Variants in NAE1 observed in about 807,000 individuals in gnomAD.
The protein encoded by NAE1 is NEDD8-activating enzyme E1 regulatory subunit.
In NAE1, 59 loss-of-function variants were observed where a neutral mutation model predicts 88.0. The observed-to-expected ratio is 0.67, with a 90% CI of 0.54 to 0.83. The LOEUF (loss-of-function observed/expected upper bound fraction) is 0.83. Ranked by LOEUF, NAE1 falls within the 40% of genes least tolerant of loss-of-function variation. The pLI, the probability that NAE1 is intolerant of heterozygous loss-of-function variation, is 0.00. For missense variants in NAE1, 554 were observed against 632.8 expected (o/e 0.88, Z 1.34); for synonymous variants, 186 against 208.9 (o/e 0.89, Z 0.95).
At chr16:66,808,731 T>C (rs1959671170) in intron 16 of NAE1, 118 bp from the exon 17 acceptor site, 3 of 785,674 alleles carry the variant, frequency 3.8e-6, no homozygotes, top group African/African-American at 3.5e-5. Flanking sequence ...ACACAATCTC[T>C]ACTGAAGTAG....
intron 11 of NAE1, among the ~76,000 whole-genome samples, chr16:66,814,504 G>A (rs1959955477): frequency 6.6e-6 from 1 of 150,722 alleles, no homozygotes; most frequent in Non-Finnish European, 1.5e-5. Flanking sequence ...GAGGTGGGGG[G>A]ATCACTTGAG....
At chr16:66,804,685 T>C (rs1959491007) in intron 19 of NAE1, among the ~76,000 whole-genome samples, 1 of 152,146 alleles carries the variant, frequency 6.6e-6, no homozygotes, top group Non-Finnish European at 1.5e-5. Context: ...ATTCATATGT[T>C]GAAATCCTAA....
At chr16:66,825,103 T>C (rs575936004) in intron 3 of NAE1, among the ~76,000 whole-genome samples, 7 of 152,234 alleles carry the variant, frequency 4.6e-5, no homozygotes, top group Non-Finnish European at 8.8e-5. Flanking sequence ...TACCACAGCA[T>C]GTGAATTTCA....
intron 7 of NAE1, among the ~76,000 whole-genome samples, chr16:66,820,979 G>A (rs902172062): frequency 6.6e-6 from 1 of 152,126 alleles, no homozygotes; most frequent in Admixed American, 6.5e-5. Flanking sequence ...TGAGGCAGGA[G>A]AATCAGTTGA....
At chr16:66,807,426 G>C (rs1399547122) in intron 17 of NAE1, among the ~76,000 whole-genome samples, 1 of 152,096 alleles carries the variant, frequency 6.6e-6, no homozygotes, top group Admixed American at 6.6e-5. Flanking sequence ...GATCACTTGA[G>C]GTCAGGAGTT....
intron 17 of NAE1, among the ~76,000 whole-genome samples, chr16:66,807,433 A>G (rs539690202): frequency 6.6e-6 from 1 of 152,114 alleles, no homozygotes; most frequent in East Asian, 1.9e-4. Context: ...TGAGGTCAGG[A>G]GTTCGAGACC....
chr16:66,823,390 T>C, intron 5 of NAE1, 84 bp from the exon 6 acceptor site: 1 of 1,356,970 alleles, frequency 7.4e-7, no homozygotes. Context: ...GTTAAGCTAT[T>C]TTACAACAAA....
At chr16:66,803,287 T>C (rs1436756666) in intron 19 of NAE1, among the ~76,000 whole-genome samples, 169 bp from the exon 20 acceptor site, 1 of 152,204 alleles carries the variant, frequency 6.6e-6, no homozygotes, top group African/African-American at 2.4e-5. Flanking sequence ...CCTATAATTC[T>C]TTTTGTTATT....
chr16:66,816,950 C>G lies in NAE1; in HGVS notation c.748+15G>C. 6.3e-7 allele frequency: 1 copy of G among 1,585,664 alleles called. No homozygotes were observed. Among genetic ancestry groups the G allele is most frequent in the African/African-American group, 1.4e-5 (1 of 73,170 alleles). On this transcript the variant is annotated intron_variant, in intron 10 of 19. Transcript: ENST00000290810. ...TTTCAAGCTTTATACAGTATTTAAT[C>G]ATATCCCATATTACCTTGTCTAATC...
At chr16:66,812,461 G>T (rs1041857538) in intron 13 of NAE1, among the ~76,000 whole-genome samples, 2 of 148,198 alleles carry the variant, frequency 1.3e-5, no homozygotes, top group Non-Finnish European at 3.0e-5. Flanking sequence ...TGGTAATTCT[G>T]TATTTCCCAT....
intron 11 of NAE1, among the ~76,000 whole-genome samples, chr16:66,815,820 C>A (rs28570571): frequency 6.6e-6 from 1 of 151,898 alleles, no homozygotes; most frequent in South Asian, 2.1e-4. Context: ...CACCACCATG[C>A]CCAGCTAATT....
intron 2 of NAE1, 42 bp downstream of exon 2, chr16:66,826,635 T>C: frequency 2.5e-6 from 4 of 1,613,734 alleles, no homozygotes; most frequent in Non-Finnish European, 3.4e-6. Context: ...GGTCATAAAC[T>C]TAAAGAAGTA....
chr16:66,820,647 A>C (rs986214523), intron 7 of NAE1, among the ~76,000 whole-genome samples: 4 of 152,114 alleles, frequency 2.6e-5, no homozygotes, highest in African/African-American at 9.7e-5. Flanking sequence ...CACGCCTGTA[A>C]TCCCAGCACT....
At chr16:66,827,331 G>C (rs1269902567) in intron 1 of NAE1, 1 of 152,524 alleles carries the variant, frequency 6.6e-6, no homozygotes, top group Non-Finnish European at 1.5e-5. Context: ...CACTTTGGGA[G>C]GCCAAGGCAG....
At chr16:66,811,571 G>C (rs1567489524) in intron 13 of NAE1, among the ~76,000 whole-genome samples, 1 of 151,890 alleles carries the variant, frequency 6.6e-6, no homozygotes, top group Non-Finnish European at 1.5e-5. Flanking sequence ...CTATACCACT[G>C]AGACAGACCA....
intron 1 of NAE1, among the ~76,000 whole-genome samples, chr16:66,829,553 C>CCCAG (rs1272801420): frequency 6.6e-6 from 1 of 152,188 alleles, no homozygotes; most frequent in Admixed American, 6.5e-5. Context: ...GTGCCTAAAG[C>CCCAG]CTCTACTACA....
Position 66,813,579 on chromosome 16 carries a change from A to G in NAE1, c.1019T>C (p.Ile340Thr), listed in dbSNP as rs768539862. 1.2e-6 allele frequency: 2 copies of G among 1,612,506 alleles called. No homozygotes were observed. Among genetic ancestry groups the G allele is most frequent in the Admixed American group, 1.7e-5 (1 of 59,780 alleles). Residue 340 changes from isoleucine to threonine, a missense_variant, in exon 13 of 20, where the codon ATA (isoleucine) becomes ACA (threonine). Coordinates refer to ENST00000290810, the MANE Select transcript of NAE1 (RefSeq NM_003905.4). ...AGTGACATACACGTTTTGCAGTTTT[A>G]TATATTTGCCTGAATCTGCAATCAT... ...PDMIADSGKY[I>T]KLQNVYREKA...
At chr16:66,828,422 C>T (rs563610749) in intron 1 of NAE1, among the ~76,000 whole-genome samples, 2 of 148,460 alleles carry the variant, frequency 1.3e-5, no homozygotes, top group African/African-American at 5.0e-5. Flanking sequence ...ACGCAGGAGG[C>T]GGAGATTGCA....
intron 4 of NAE1, among the ~76,000 whole-genome samples, chr16:66,824,285 C>G (rs1960374171): frequency 6.6e-6 from 1 of 152,126 alleles, no homozygotes; most frequent in Admixed American, 6.6e-5. Flanking sequence ...ACTAAGTTGA[C>G]TAACATGGTT....
Sources: gnomAD v4.1 joint callset for allele counts (sites outside exome capture counted in the v4.1 genomes callset) on GRCh38, gnomAD v4.1.1 for gene constraint, MANE v1.5 for transcripts, NCBI Gene and HGNC (gene_info 2026-07-23, HGNC 2026-07-21) for gene names.